Variants in ARHGAP6 observed in about 807,000 individuals in gnomAD.
ARHGAP6 encodes rho GTPase-activating protein 6.
A neutral mutation model predicts 55.7 loss-of-function variants in ARHGAP6; 16 were observed. The ratio of observed to expected loss-of-function variants is 0.29; its 90% CI spans 0.19 to 0.44. The LOEUF is 0.44. ARHGAP6 is among the 20% of genes least tolerant of loss of function. ARHGAP6 has a pLI of 1.00. For missense variants in ARHGAP6, 698 were observed against 808.9 expected (o/e 0.86, Z 1.66); for synonymous variants, 382 against 360.9 (o/e 1.06, Z -0.66).
chrX:11,513,207 T>C (rs1449549182), intron 1 of ARHGAP6, among the ~76,000 whole-genome samples: 1 of 111,531 alleles, frequency 9.0e-6, no homozygotes, highest in African/African-American at 3.3e-5. Flanking sequence ...TAGAATATTC[T>C]ACCATTACTG....
At chrX:11,472,205 A>C (rs148170670) in intron 1 of ARHGAP6, among the ~76,000 whole-genome samples, 59 of 111,536 alleles carry the variant, frequency 5.3e-4, no homozygotes, top group African/African-American at 1.7e-3. Flanking sequence ...CCTGGTCTCC[A>C]CCCACTAGAT....
At chrX:11,280,485 A>C (rs2047840558) in intron 1 of ARHGAP6, among the ~76,000 whole-genome samples, 1 of 111,803 alleles carries the variant, frequency 8.9e-6, no homozygotes. Flanking sequence ...CTTGCCTTGT[A>C]GTCAGGAAGA....
At chrX:11,387,887 T>C (rs1366173080) in intron 1 of ARHGAP6, among the ~76,000 whole-genome samples, 20 of 111,801 alleles carry the variant, frequency 1.8e-4, no homozygotes, top group Non-Finnish European at 2.6e-4. Flanking sequence ...ATGAACTCAT[T>C]GTTTTTTATG....
chrX:11,260,877 G>T (rs2047553154), intron 1 of ARHGAP6, among the ~76,000 whole-genome samples: 1 of 111,464 alleles, frequency 9.0e-6, no homozygotes, highest in Admixed American at 9.6e-5. Flanking sequence ...TATTTGTGTA[G>T]CATCTACAGC....
chrX:11,649,915 A>G (rs768807874), intron 1 of ARHGAP6, among the ~76,000 whole-genome samples: 1 of 111,241 alleles, frequency 9.0e-6, no homozygotes, highest in Non-Finnish European at 1.9e-5. Context: ...TTGCATAGAA[A>G]CATTTAATTA....
Position 11,187,528 on chromosome X carries a change from C to T in ARHGAP6, c.1078-1097G>A, listed in dbSNP as rs942882724. ...GAATTAGAAGAACAATTCCATCATG[C>T]AACTTCAGGAATTCCATAATTTTGT... On this transcript the variant is annotated intron_variant, in intron 4 of 12. Coordinates refer to ENST00000337414, the MANE Select transcript of ARHGAP6 (RefSeq NM_013427.3). Among the ~76,000 whole-genome samples the T allele has an allele frequency of 2.7e-5, 3 of 112,342 alleles. No individual in the cohort carries two copies. In the East Asian group the frequency reaches 8.3e-4, roughly 31 times the overall value.
rs764295217 is a variant in ARHGAP6 at position 11,625,150 on chromosome X, A to T, written c.588+39091T>A. Among the ~76,000 whole-genome samples, 3 of 111,817 alleles carry T rather than the reference A, an allele frequency of 2.7e-5. No individual in the cohort carries two copies. In the East Asian group the frequency reaches 8.4e-4, roughly 31 times the overall value. ...TAACACCATATGATCCAGCAATTCT[A>T]TTGCTGGATATACATCCAAAAGAAA... On this transcript the variant is annotated intron_variant, in intron 1 of 12. Coordinates refer to ENST00000337414, the MANE Select transcript of ARHGAP6 (RefSeq NM_013427.3).
chrX:11,540,599 T>C (rs1464976077), intron 1 of ARHGAP6, among the ~76,000 whole-genome samples: 1 of 111,664 alleles, frequency 9.0e-6, no homozygotes, highest in Non-Finnish European at 1.9e-5. Flanking sequence ...CTTTGGGATC[T>C]CCAAAGGTGA....
intron 1 of ARHGAP6, among the ~76,000 whole-genome samples, chrX:11,328,134 G>GA (rs1263775231): frequency 8.9e-6 from 1 of 112,306 alleles, no homozygotes; most frequent in Non-Finnish European, 1.9e-5. Flanking sequence ...TTTGGTATTA[G>GA]ATTGGTGTTA....
intron 1 of ARHGAP6, among the ~76,000 whole-genome samples, chrX:11,408,529 C>T (rs2049638442): frequency 1.8e-5 from 2 of 111,114 alleles, no homozygotes; most frequent in South Asian, 7.7e-4. Context: ...ACAACGGAAG[C>T]ACCCTTAGCC....
In ARHGAP6 at chrX:11,137,902, A is replaced by G. The variant is rs1486367315; in HGVS notation, c.*961T>C. 8.9e-6 allele frequency: 1 copy of G among 112,430 alleles called. No individual in the cohort carries two copies. The highest frequency in any genetic ancestry group is 3.2e-5 in the African/African-American group (1 of 30,884). The allele number at this position is 112,430 out of a possible 1,213,427, so 9.3% of individuals were successfully genotyped here. ...TGTGATTTAGTTTTTAAGGAATTGC[A>G]TGTAATTTGGCAAATACTGATTATG... is the stretch of plus-strand genomic sequence containing the variant. On this transcript the variant is annotated 3_prime_UTR_variant, in exon 13 of 13. Coordinates refer to ENST00000337414, the MANE Select transcript of ARHGAP6 (RefSeq NM_013427.3).
intron 1 of ARHGAP6, among the ~76,000 whole-genome samples, chrX:11,305,318 C>G (rs1381763280): frequency 8.9e-6 from 1 of 112,062 alleles, no homozygotes; most frequent in African/African-American, 3.2e-5. Flanking sequence ...CAGATTTCAC[C>G]ACTACACAAT....
At chrX:11,182,558 C>T (rs766578323) in intron 5 of ARHGAP6, among the ~76,000 whole-genome samples, 738 of 109,639 alleles carry the variant, frequency 6.7e-3, no homozygotes, top group Non-Finnish European at 0.011. Flanking sequence ...AAATAATATA[C>T]TTTTAGAAAT....
chrX:11,664,515 G>A lies in ARHGAP6; in HGVS notation c.314C>T (p.Thr105Ile), dbSNP rs1411778897. The change falls in exon 1 of 13, where the codon ACA (threonine) becomes ATA (isoleucine). Residue 105 changes from threonine (T) to isoleucine (I), a missense_variant. Physicochemically the swap from Thr to Ile is moderately conservative, Grantham distance 89. Coordinates refer to ENST00000337414, the MANE Select transcript of ARHGAP6 (RefSeq NM_013427.3). ...PPGPLCSSFS[T>I]PSTPQEKSPS... ...TGACTTCTCCTGCGGGGTGCTGGGTGTGGAGAAGGACGAGCAAAGAGGTCC... is the reference window on the plus strand; with the variant it reads ...TGACTTCTCCTGCGGGGTGCTGGGTATGGAGAAGGACGAGCAAAGAGGTCC... 2 of 1,205,498 alleles carry A rather than the reference G, an allele frequency of 1.7e-6. No homozygotes were observed. Among genetic ancestry groups the A allele is most frequent in the Non-Finnish European group, 2.2e-6 (2 of 892,078 alleles).
At chrX:11,501,566 T>C (rs1178096714) in intron 1 of ARHGAP6, among the ~76,000 whole-genome samples, 2 of 110,917 alleles carry the variant, frequency 1.8e-5, no homozygotes, top group Non-Finnish European at 1.9e-5. Flanking sequence ...TCCCATGCAG[T>C]CAAAAATCTG....
intron 1 of ARHGAP6, among the ~76,000 whole-genome samples, chrX:11,542,724 A>T (rs991805929): frequency 9.0e-6 from 1 of 111,294 alleles, no homozygotes; most frequent in African/African-American, 3.3e-5. Context: ...AGTGCTGACT[A>T]TACTTCCTAA....
At chrX:11,153,160 G>A (rs1292033721) in intron 10 of ARHGAP6, among the ~76,000 whole-genome samples, 2 of 111,772 alleles carry the variant, frequency 1.8e-5, no homozygotes, top group Non-Finnish European at 3.8e-5. Flanking sequence ...CAGATTCATA[G>A]ACTACCTCCC....
intron 1 of ARHGAP6, among the ~76,000 whole-genome samples, chrX:11,515,372 A>C (rs2050827948): frequency 8.9e-6 from 1 of 112,398 alleles, no homozygotes; most frequent in Non-Finnish European, 1.9e-5. Flanking sequence ...TGAAGCAATC[A>C]TTCCCTAGGC....
At chrX:11,355,311 C>G (rs1350803367) in intron 1 of ARHGAP6, among the ~76,000 whole-genome samples, 10 of 112,379 alleles carry the variant, frequency 8.9e-5, no homozygotes, top group Non-Finnish European at 1.3e-4. Flanking sequence ...GACATTGAGG[C>G]ATCCAGCAAG....
Sources: gnomAD v4.1 joint callset for allele counts (sites outside exome capture counted in the v4.1 genomes callset) on GRCh38, gnomAD v4.1.1 for gene constraint, MANE v1.5 for transcripts, NCBI Gene and HGNC (gene_info 2026-07-23, HGNC 2026-07-21) for gene names.